CCDC7: variants seen among roughly 807,000 people sequenced by gnomAD.
The protein encoded by CCDC7 is coiled-coil domain-containing protein 7.
In CCDC7, 183 loss-of-function variants were observed where a neutral mutation model predicts 196.9. The observed-to-expected ratio is 0.93, with a 90% CI of 0.82 to 1.05. CCDC7 has a LOEUF of 1.05. Among genes scored for constraint, CCDC7 ranks in the 50% least tolerant of loss-of-function variants. The pLI is 0.00. For missense variants in CCDC7, 1,540 were observed against 1,482.2 expected, an observed-to-expected ratio of 1.04 and a Z score of -0.64; for synonymous variants, 525 against 484.6, an observed-to-expected ratio of 1.08 and a Z score of -1.10.
chr10:32,682,173 T>TA (rs1474985687), intron 21 of CCDC7, among the ~76,000 whole-genome samples: 2 of 152,156 alleles, frequency 1.3e-5, no homozygotes, highest in African/African-American at 4.8e-5. Flanking sequence ...ACACTCTGCC[T>TA]ACCCTCCACC....
intron 18 of CCDC7, among the ~76,000 whole-genome samples, chr10:32,608,477 A>T (rs1037977751): frequency 6.6e-6 from 1 of 151,826 alleles, no homozygotes; most frequent in East Asian, 1.9e-4. Context: ...GTTACATTCC[A>T]TAGTTTTAAT....
chr10:32,595,972 C>G (rs2060299451), intron 18 of CCDC7, among the ~76,000 whole-genome samples: 2 of 152,088 alleles, frequency 1.3e-5, no homozygotes, highest in South Asian at 4.2e-4. Flanking sequence ...ACTATGTGGT[C>G]AATTTTGGAA....
At chr10:32,491,224 G>A (rs2042101719) in intron 8 of CCDC7, among the ~76,000 whole-genome samples, 1 of 151,956 alleles carries the variant, frequency 6.6e-6, no homozygotes, top group African/African-American at 2.4e-5. Context: ...TAATGTTTAG[G>A]AACTCTTGTA....
intron 28 of CCDC7, among the ~76,000 whole-genome samples, chr10:32,729,976 T>C (rs915631644): frequency 6.6e-6 from 1 of 152,212 alleles, no homozygotes; most frequent in Non-Finnish European, 1.5e-5. Flanking sequence ...CTTACAATTG[T>C]ATATACTCTT....
intron 8 of CCDC7, among the ~76,000 whole-genome samples, chr10:32,484,322 CT>C (rs137983972): frequency 0.25 from 38,250 of 151,970 alleles, 5,392 homozygotes; most frequent in South Asian, 0.44. Flanking sequence ...TATAGGAATG[CT>C]TGTGATTTTT....
chr10:32,774,126 G>A (rs901857025), intron 28 of CCDC7, among the ~76,000 whole-genome samples: 2 of 152,196 alleles, frequency 1.3e-5, no homozygotes, highest in African/African-American at 4.8e-5. Flanking sequence ...ACATGAATAT[G>A]TGGATTTTGT....
intron 8 of CCDC7, among the ~76,000 whole-genome samples, chr10:32,479,123 C>A (rs781130997): frequency 2.0e-5 from 3 of 152,058 alleles, no homozygotes; most frequent in Admixed American, 6.5e-5. Context: ...CCCTTTATGT[C>A]CATGTGGTCG....
Position 32,511,260 on chromosome 10 carries a change from G to GT in CCDC7, c.873-6685_873-6684insT, listed in dbSNP as rs1564505934. Reference sequence around the variant, plus strand: ...CTGCCACAGAATTATTCTGTGGGGGGCGGGGGGGGCGGGGAAATGTACTTT... The same window carrying GT: ...CTGCCACAGAATTATTCTGTGGGGGGTCGGGGGGGGCGGGGAAATGTACTTT... On this transcript the variant is annotated intron_variant, in intron 9 of 41. Coordinates refer to ENST00000639629, the Ensembl canonical transcript of CCDC7. 2.9e-4 allele frequency: 179 copies of GT among 625,868 alleles called. 3 individuals carry two copies. The highest frequency in any genetic ancestry group is 1.7e-3 in the African/African-American group (71 of 41,212). The allele number at this position is 625,868 out of a possible 1,614,324, so 38.8% of individuals were successfully genotyped here.
At chr10:32,679,473 C>T (rs954988818) in intron 21 of CCDC7, among the ~76,000 whole-genome samples, 2 of 152,122 alleles carry the variant, frequency 1.3e-5, no homozygotes, top group Non-Finnish European at 2.9e-5. Flanking sequence ...CTTGTAACCC[C>T]ATAGTTGGAT....
rs554282831 is a variant in CCDC7 at position 32,502,675 on chromosome 10, A to G, written c.872+10678A>G. Among the ~76,000 whole-genome samples, 9 of 152,132 alleles carry G rather than the reference A, an allele frequency of 5.9e-5. No individual in the cohort carries two copies. The East Asian group carries it at 1.7e-3, about 29-fold the overall frequency. ...TGGTCCCATATGAATTTTAGGATCT[A>G]TTTTTATTTCTGTGAAAAATGTCAT... On this transcript the variant is annotated intron_variant, in intron 9 of 41. Transcript: ENST00000639629.
At chr10:32,527,103 C>A (rs1351323719) in intron 11 of CCDC7, among the ~76,000 whole-genome samples, 1 of 152,120 alleles carries the variant, frequency 6.6e-6, no homozygotes, top group Non-Finnish European at 1.5e-5. Context: ...ATGGTCACTT[C>A]CCCTCTGGCA....
At chr10:32,640,755 C>T (rs952411712) in intron 20 of CCDC7, among the ~76,000 whole-genome samples, 10 of 151,956 alleles carry the variant, frequency 6.6e-5, no homozygotes, top group African/African-American at 2.2e-4. Flanking sequence ...TTTTATTTCT[C>T]CTTCACTTAT....
At chr10:32,606,878 T>C (rs769971749) in intron 18 of CCDC7, among the ~76,000 whole-genome samples, 8 of 152,186 alleles carry the variant, frequency 5.3e-5, no homozygotes, top group African/African-American at 1.7e-4. Context: ...TTGGGGGCTA[T>C]TGAGAAGAGA....
intron 21 of CCDC7, among the ~76,000 whole-genome samples, chr10:32,671,748 A>G (rs2074095700): frequency 6.6e-6 from 1 of 152,008 alleles, no homozygotes; most frequent in Admixed American, 6.6e-5. Flanking sequence ...ACCTTCTCCT[A>G]CAGGGGTGTG....
chr10:32,463,330 A>T (rs2036127526), intron 5 of CCDC7, among the ~76,000 whole-genome samples: 2 of 152,184 alleles, frequency 1.3e-5, no homozygotes, highest in African/African-American at 4.8e-5. Flanking sequence ...TATTTTTTCC[A>T]ATTTACATAA....
intron 28 of CCDC7, among the ~76,000 whole-genome samples, chr10:32,770,863 G>C (rs774737124): frequency 3.3e-4 from 50 of 151,792 alleles, no homozygotes; most frequent in Non-Finnish European, 6.0e-4. Flanking sequence ...TCTTTTTACT[G>C]TTGTTGCTTT....
At chr10:32,596,804 T>G (rs893903531) in intron 18 of CCDC7, among the ~76,000 whole-genome samples, 3 of 152,182 alleles carry the variant, frequency 2.0e-5, no homozygotes, top group African/African-American at 7.2e-5. Context: ...TGGCTGGATA[T>G]GAAATTCTGG....
intron 31 of CCDC7, among the ~76,000 whole-genome samples, chr10:32,823,721 C>T (rs7907350): frequency 0.76 from 116,105 of 152,120 alleles, 46,749 homozygotes; most frequent in Non-Finnish European, 0.91. Context: ...ATGAAATTCT[C>T]TTTAGTAGAT....
chr10:32,650,061 C>T (rs965253345), intron 20 of CCDC7, among the ~76,000 whole-genome samples: 21 of 152,278 alleles, frequency 1.4e-4, no homozygotes, highest in Middle Eastern at 6.8e-3. Flanking sequence ...GTAGTGGGCT[C>T]ATTTGGAGGC....
Sources: allele counts gnomAD v4.1 joint callset (sites outside exome capture counted in the v4.1 genomes callset), GRCh38; gene constraint gnomAD v4.1.1; transcripts MANE v1.5; gene names NCBI Gene and HGNC (gene_info 2026-07-23, HGNC 2026-07-21).